The following ANKRD31 variants were observed in gnomAD, a reference collection of about 807,000 sequenced individuals.
ANKRD31 encodes ankyrin repeat domain-containing protein 31.
In ANKRD31, 147 loss-of-function variants were observed where a neutral mutation model predicts 186.0. The observed-to-expected ratio is 0.79, with a 90% confidence interval of 0.69 to 0.91. The LOEUF is 0.91. Among genes scored for constraint, ANKRD31 ranks in the 40% least tolerant of loss-of-function variants. The pLI, the probability that ANKRD31 is intolerant of heterozygous loss-of-function variation, is 0.00. For missense variants in ANKRD31, 1,986 were observed against 2,148.8 expected (o/e 0.92, Z 1.50); for synonymous variants, 673 against 736.4 (o/e 0.91, Z 1.39).
chr5:75,181,635 C>CAAA (rs551891573), intron 10 of ANKRD31, among the ~76,000 whole-genome samples: 1 of 148,074 alleles, frequency 6.8e-6, no homozygotes, highest in Admixed American at 6.9e-5. Flanking sequence ...ATCGCAAGGA[C>CAAA]AAAAAACCAA....
At chr5:75,174,032 T>C (rs1239739099) in intron 10 of ANKRD31, among the ~76,000 whole-genome samples, 1 of 152,062 alleles carries the variant, frequency 6.6e-6, no homozygotes, top group Admixed American at 6.6e-5. Flanking sequence ...AAAACAGATA[T>C]ATAGACCCAC....
In ANKRD31 at chr5:75,234,325, T is replaced by C. The variant is rs149354993; in HGVS notation, c.104+2258A>G. 1.9e-4 allele frequency among the ~76,000 whole-genome samples: 29 copies of C among 152,326 alleles called. 1 individual carries two copies. In the East Asian group the frequency reaches 1.9e-3, roughly 10 times the overall value. ...TTCTTTTTATTGCTCATGTTTCCTATAGTGTTCCTGAATAGACAATATATT... is the reference window on the plus strand; with the variant it reads ...TTCTTTTTATTGCTCATGTTTCCTACAGTGTTCCTGAATAGACAATATATT... On this transcript the variant is annotated intron_variant, in intron 1 of 25. Transcript: ENST00000506364.
At chr5:75,196,235 C>A in intron 6 of ANKRD31, 35 bp from the exon 7 acceptor site, 1 of 1,358,368 alleles carries the variant, frequency 7.4e-7, no homozygotes, top group Non-Finnish European at 9.6e-7. Flanking sequence ...ATCATTACAG[C>A]ATATACAATA....
chr5:75,172,586 G>A (rs1040920261), intron 10 of ANKRD31, among the ~76,000 whole-genome samples: 1 of 151,956 alleles, frequency 6.6e-6, no homozygotes, highest in African/African-American at 2.4e-5. Context: ...AACACAAACT[G>A]CCATCAGAGA....
intron 10 of ANKRD31, among the ~76,000 whole-genome samples, chr5:75,179,739 T>A (rs1221490843): frequency 7.2e-5 from 11 of 151,988 alleles, no homozygotes; most frequent in African/African-American, 2.4e-5. Context: ...ATCTCAAAAT[T>A]ATAAGAGCTA....
At chr5:75,218,939 A>G (rs1357061689) in intron 3 of ANKRD31, among the ~76,000 whole-genome samples, 2 of 152,198 alleles carry the variant, frequency 1.3e-5, no homozygotes, top group Non-Finnish European at 2.9e-5. Context: ...AAATCCCTTC[A>G]TGTTAAAAAC....
chr5:75,179,198 T>C (rs1488828335), intron 10 of ANKRD31, among the ~76,000 whole-genome samples: 4 of 151,990 alleles, frequency 2.6e-5, no homozygotes, highest in Non-Finnish European at 5.9e-5. Flanking sequence ...AAGTTGAATC[T>C]CTGAATAGAC....
chr5:75,172,664 T>A, intron 10 of ANKRD31, among the ~76,000 whole-genome samples: 1 of 152,244 alleles, frequency 6.6e-6, no homozygotes, highest in South Asian at 2.1e-4. Context: ...CCTCGACACA[T>A]ACACCCTCCC....
At chr5:75,152,509 T>G (rs1751907891) in intron 12 of ANKRD31, among the ~76,000 whole-genome samples, 1 of 152,066 alleles carries the variant, frequency 6.6e-6, no homozygotes, top group African/African-American at 2.4e-5. Context: ...TAAAAGCCTT[T>G]GGGAGAAAAT....
At chr5:75,085,386 T>C (rs1248457104) in intron 23 of ANKRD31, among the ~76,000 whole-genome samples, 3 of 152,040 alleles carry the variant, frequency 2.0e-5, no homozygotes, top group African/African-American at 7.2e-5. Context: ...ATTTTTTTTT[T>C]TTGAGAGAGT....
intron 25 of ANKRD31, among the ~76,000 whole-genome samples, chr5:75,076,218 T>G (rs2150004263): frequency 6.6e-6 from 1 of 152,254 alleles, no homozygotes; most frequent in Admixed American, 6.5e-5. Flanking sequence ...ATTCCACAGG[T>G]TTAAGGGTTC....
At chr5:75,091,858 A>T (rs1164486461) in intron 22 of ANKRD31, among the ~76,000 whole-genome samples, 4 of 152,206 alleles carry the variant, frequency 2.6e-5, no homozygotes, top group African/African-American at 9.7e-5. Flanking sequence ...CCCAGCTCTG[A>T]GTGGTGAGAC....
In ANKRD31 at chr5:75,137,849, A is replaced by C; in HGVS notation, c.3876+7T>G. The C allele has an allele frequency of 2.0e-6, 3 of 1,518,724 alleles. No individual in the cohort carries two copies. The highest frequency in any genetic ancestry group is 2.6e-6 in the Non-Finnish European group (3 of 1,139,940). The allele number at this position is 1,518,724 out of a possible 1,614,324, so 94.1% of individuals were successfully genotyped here. A position where few individuals can be genotyped will look rare whatever the true frequency, so the allele number is the denominator to read the frequency against. ...GTAGTAAGATCTTAATGTGATGTGC[A>C]CTGTACCTTTAAATGATTGTTTGCA... On this transcript the variant is annotated splice_region_variant and intron_variant, in intron 17 of 25. Coordinates refer to ENST00000506364, the MANE Select transcript of ANKRD31 (RefSeq NM_001372053.1).
intron 4 of ANKRD31, among the ~76,000 whole-genome samples, chr5:75,209,073 C>T (rs1191082115): frequency 1.3e-5 from 2 of 152,118 alleles, no homozygotes; most frequent in Admixed American, 1.3e-4. Flanking sequence ...ATTATTTAAT[C>T]AACAATACTT....
Position 75,138,849 on chromosome 5 carries a change from C to A in ANKRD31, c.3730G>T (p.Ala1244Ser). 6.5e-7 allele frequency: 1 copy of A among 1,535,700 alleles called. No individual in the cohort carries two copies. Among genetic ancestry groups the A allele is most frequent in the Non-Finnish European group, 8.7e-7 (1 of 1,146,186 alleles). The change falls in exon 16 of 26, where the codon GCA (alanine) becomes TCA (serine). Residue 1244 changes from alanine (A) to serine (S), a missense_variant. Ala to Ser is a moderately conservative substitution (Grantham distance 99). Transcript: ENST00000506364. ...ATTAAATTAAAAGGATCCAAACCTG[C>A]ATTATCATTTAGATTCACATCTGCT... ...SGADVNLNDN[A>S]GWTPLHEASN... is the part of the protein sequence containing the mutation.
chr5:75,204,694 A>G (rs1352776632), intron 5 of ANKRD31, among the ~76,000 whole-genome samples: 2 of 152,036 alleles, frequency 1.3e-5, no homozygotes, highest in Non-Finnish European at 1.5e-5. Context: ...ACCCCACTTT[A>G]TATGTTTTAT....
intron 20 of ANKRD31, among the ~76,000 whole-genome samples, chr5:75,111,202 CA>C (rs5868763): frequency 0.52 from 75,373 of 143,642 alleles, 21,716 homozygotes; most frequent in African/African-American, 0.81. Flanking sequence ...TGTTCTTAGA[CA>C]AAAAAAAAAA....
Position 75,188,576 on chromosome 5 carries a change from TATA to T in ANKRD31, c.1478_1480del (p.Val493_Tyr494delinsAsp). On this transcript the variant is annotated inframe_deletion, in exon 10 of 26. Transcript: ENST00000506364. ...AGCATCATCGTGTAGAGCAGCCTTA[TATA>T]CTAAGTTCTCTCCAAAAATGTTTCT... 1.3e-6 allele frequency: 2 copies of T among 1,536,332 alleles called. No individual in the cohort carries two copies. The highest frequency in any genetic ancestry group is 1.7e-6 in the Non-Finnish European group (2 of 1,146,286).
intron 5 of ANKRD31, among the ~76,000 whole-genome samples, chr5:75,202,498 T>C (rs1013874147): frequency 6.6e-6 from 1 of 152,186 alleles, no homozygotes; most frequent in Non-Finnish European, 1.5e-5. Context: ...AATATAATGG[T>C]ATACATGAGA....
Sources: gnomAD v4.1 joint callset for allele counts (sites outside exome capture counted in the v4.1 genomes callset) on GRCh38, gnomAD v4.1.1 for gene constraint, MANE v1.5 for transcripts, NCBI Gene and HGNC (gene_info 2026-07-23, HGNC 2026-07-21) for gene names.